DHRS3: variants seen among roughly 807,000 people sequenced by gnomAD.
DHRS3 encodes dehydrogenase/reductase 3.
In DHRS3, 14 loss-of-function variants were observed where a neutral mutation model predicts 27.2. The ratio of observed to expected loss-of-function variants is 0.52; its 90% confidence interval spans 0.34 to 0.81. The LOEUF is 0.81. DHRS3 is among the 30% of genes least tolerant of loss of function. The pLI is 0.01. For missense variants in DHRS3, 322 were observed against 406.2 expected, an observed-to-expected ratio of 0.79 and a Z score of 1.78; for synonymous variants, 165 against 175.9, an observed-to-expected ratio of 0.94 and a Z score of 0.49.
chr1:12,592,286 C>G lies in DHRS3; in HGVS notation c.196-11620G>C, dbSNP rs977917488. 6.6e-6 allele frequency among the ~76,000 whole-genome samples: 1 copy of G among 152,174 alleles called. No homozygotes were observed. Among genetic ancestry groups the G allele is most frequent in the Non-Finnish European group, 1.5e-5 (1 of 68,026 alleles). ...TGAGAAGCTGAGTCCAAGTCCTAAC[C>G]CTTGGTACCTGTGAATGTGACCTTA... On this transcript the variant is annotated intron_variant, in intron 1 of 5. Transcript: ENST00000616661. The surrounding 1 kb of genome is among the most constrained non-coding windows in gnomAD (Gnocchi z 4.2).
chr1:12,617,105 A>ACCC, intron 1 of DHRS3, 49 bp downstream of exon 1: 1 of 1,563,006 alleles, frequency 6.4e-7, no homozygotes. Flanking sequence ...AGGTGGGCTT[A>ACCC]CCCCCGCCCC....
At position 12,608,814 on chromosome 1, in the gene DHRS3, C is replaced by G. The variant is rs1570400923; in HGVS notation, c.195+8340G>C. Reference sequence around the variant, plus strand: ...CATGGGCCTCCAGAACCATCTAGAACAGGTCCCATGCCTCTGTGGTACTGG... The same window carrying G: ...CATGGGCCTCCAGAACCATCTAGAAGAGGTCCCATGCCTCTGTGGTACTGG... On this transcript the variant is annotated intron_variant, in intron 1 of 5. Transcript: ENST00000616661. This position sits in a 1 kb window ranked among gnomAD's most constrained non-coding sequence, Gnocchi z 4.1. Among the ~76,000 whole-genome samples, 1 of 152,194 alleles carries G rather than the reference C, an allele frequency of 6.6e-6. No individual in the cohort carries two copies. The highest frequency in any genetic ancestry group is 1.5e-5 in the Non-Finnish European group (1 of 68,034).
At chr1:12,576,171 G>C (rs571702496) in intron 4 of DHRS3, among the ~76,000 whole-genome samples, 39 of 152,324 alleles carry the variant, frequency 2.6e-4, no homozygotes, top group Admixed American at 2.5e-3. Flanking sequence ...CCTTCTTAAA[G>C]TGGTAGGAAA....
chr1:12,614,978 C>T (rs549134769), intron 1 of DHRS3, among the ~76,000 whole-genome samples: 1 of 152,270 alleles, frequency 6.6e-6, no homozygotes, highest in South Asian at 2.1e-4. Context: ...CACACCTGTC[C>T]CCAACCCATA....
intron 1 of DHRS3, among the ~76,000 whole-genome samples, chr1:12,611,157 C>G (rs947785565): frequency 1.3e-5 from 2 of 152,188 alleles, no homozygotes; most frequent in African/African-American, 4.8e-5. Flanking sequence ...TGGAAGGGAT[C>G]TGTGCAGCCA....
At chr1:12,601,010 C>T (rs1447279230) in intron 1 of DHRS3, among the ~76,000 whole-genome samples, 2 of 151,962 alleles carry the variant, frequency 1.3e-5, no homozygotes, top group Non-Finnish European at 2.9e-5. Context: ...GGTGGTAAGG[C>T]ATCAGTAAAT....
rs1410385415 is a variant in DHRS3, at chr1:12,608,862, G to A, written c.195+8292C>T. On this transcript the variant is annotated intron_variant, in intron 1 of 5. Transcript: ENST00000616661. The surrounding 1 kb of genome is among the most constrained non-coding windows in gnomAD (Gnocchi z 4.1). ...TGGAATGCAGCTGATACCCTCTCTT[G>A]CCTCTTAAGCAGTCAACTATACTCC... Among the ~76,000 whole-genome samples the A allele has an allele frequency of 2.0e-5, 3 of 152,084 alleles. No homozygotes were observed.
chr1:12,568,464 G>A (rs1050620615), intron 5 of DHRS3, 40 bp from the exon 6 acceptor site: 1 of 1,598,976 alleles, frequency 6.3e-7, no homozygotes, highest in East Asian at 2.2e-5. Flanking sequence ...GATGGTTAGT[G>A]GGGCAGGATC....
intron 4 of DHRS3, among the ~76,000 whole-genome samples, chr1:12,575,732 G>A (rs1646580697): frequency 6.6e-6 from 1 of 151,728 alleles, no homozygotes; most frequent in Non-Finnish European, 1.5e-5. Flanking sequence ...TTTGAGGTGG[G>A]GTCTTGCTGT....
intron 1 of DHRS3, among the ~76,000 whole-genome samples, chr1:12,603,043 G>A (rs1306610729): frequency 1.3e-5 from 2 of 152,234 alleles, no homozygotes; most frequent in Non-Finnish European, 2.9e-5. Flanking sequence ...TTTGGGCTGA[G>A]TCCCCCTTGG....
intron 4 of DHRS3, among the ~76,000 whole-genome samples, chr1:12,573,205 T>C (rs1646554980): frequency 6.6e-6 from 1 of 152,252 alleles, no homozygotes; most frequent in Non-Finnish European, 1.5e-5. Flanking sequence ...ACTCTGCTCC[T>C]TCAGGACAGG....
At position 12,591,976 on chromosome 1, in the gene DHRS3, A is replaced by T. The variant is rs1211331243; in HGVS notation, c.196-11310T>A. Reference sequence around the variant, plus strand: ...ATGTTCCTTGCCCCTCTGCGAGGACACTGGGGCTCTGATGGGGCTCAGGTG... The same window carrying T: ...ATGTTCCTTGCCCCTCTGCGAGGACTCTGGGGCTCTGATGGGGCTCAGGTG... On this transcript the variant is annotated intron_variant, in intron 1 of 5. Transcript: ENST00000616661. This position sits in a 1 kb window ranked among gnomAD's most constrained non-coding sequence, Gnocchi z 4.1. Among the ~76,000 whole-genome samples, 1 of 152,184 alleles carries T rather than the reference A, an allele frequency of 6.6e-6. No individual in the cohort carries two copies. The highest frequency in any genetic ancestry group is 1.5e-5 in the Non-Finnish European group (1 of 68,026).
At chr1:12,568,933 T>C (rs1469843186) in intron 5 of DHRS3, among the ~76,000 whole-genome samples, 1 of 151,306 alleles carries the variant, frequency 6.6e-6, no homozygotes, top group Admixed American at 6.6e-5. Flanking sequence ...TCTCAAAAAT[T>C]CTTTTCAGAC....
At position 12,594,270 on chromosome 1, in the gene DHRS3, G is replaced by A. The variant is rs1646770616; in HGVS notation, c.196-13604C>T. The stretch of plus-strand genomic sequence containing the variant: ...AAAGGGAAGCTCTTTTAACAACCCT[G>A]TCCTGCCTCATTCATTCATTCAAGG... On this transcript the variant is annotated intron_variant, in intron 1 of 5. Coordinates refer to ENST00000616661, the MANE Select transcript of DHRS3 (RefSeq NM_004753.7). The surrounding 1 kb of genome is among the most constrained non-coding windows in gnomAD (Gnocchi z 4.1). Among the ~76,000 whole-genome samples, 1 of 152,226 alleles carries A rather than the reference G, an allele frequency of 6.6e-6. No individual in the cohort carries two copies.
At chr1:12,583,336 C>T (rs182598229) in intron 1 of DHRS3, among the ~76,000 whole-genome samples, 2 of 150,394 alleles carry the variant, frequency 1.3e-5, no homozygotes, top group East Asian at 2.0e-4. Context: ...TCCATCCATC[C>T]ATCCATCCAT....
At chr1:12,604,378 T>C (rs1376959235) in intron 1 of DHRS3, among the ~76,000 whole-genome samples, 1 of 152,188 alleles carries the variant, frequency 6.6e-6, no homozygotes, top group Non-Finnish European at 1.5e-5. Flanking sequence ...TGCTTGTCAG[T>C]TTACTCTTTA....
Position 12,578,935 on chromosome 1 carries a change from G to A in DHRS3, c.481C>T (p.Arg161Cys), listed in dbSNP as rs904973071. 4 of 1,613,150 alleles carry A rather than the reference G, an allele frequency of 2.5e-6. No homozygotes were observed. The highest frequency in any genetic ancestry group is 3.4e-6 in the Non-Finnish European group (4 of 1,179,968). Residue 161 changes from arginine (R) to cysteine (C), a missense_variant, in exon 4 of 6, where the codon CGT (arginine) becomes TGT (cysteine). Transcript: ENST00000616661. The surrounding 1 kb of genome is among the most constrained non-coding windows in gnomAD (Gnocchi z 4.5). ...TGGCCATTCTGCAGCTCCAGCATAC[G>A]CGGCAGGAAGGCCTTGGTGGTCTGA... ...QFWTTKAFLP[R>C]MLELQNGHIV...
chr1:12,605,833 A>G (rs946501799), intron 1 of DHRS3, among the ~76,000 whole-genome samples: 18 of 152,240 alleles, frequency 1.2e-4, no homozygotes, highest in African/African-American at 4.3e-4. Context: ...GTTTATGGGG[A>G]CAATGCCCTA....
intron 1 of DHRS3, among the ~76,000 whole-genome samples, chr1:12,602,479 C>CG (rs948994621): frequency 6.6e-6 from 1 of 151,144 alleles, no homozygotes; most frequent in Non-Finnish European, 1.5e-5. Context: ...CTCTGCTTCC[C>CG]GGGGGAGTCC....
Sources: allele counts gnomAD v4.1 joint callset (sites outside exome capture counted in the v4.1 genomes callset), GRCh38; gene constraint gnomAD v4.1.1; non-coding constraint Gnocchi (gnomAD v3.1); transcripts MANE v1.5; gene names NCBI Gene and HGNC (gene_info 2026-07-23, HGNC 2026-07-21).